RAPGEF5: variants seen among roughly 807,000 people sequenced by gnomAD.
RAPGEF5 encodes the protein Rap guanine nucleotide exchange factor 5.
RAPGEF5 carries 65 observed loss-of-function variants against 125.2 expected under a neutral mutation model. The observed-to-expected ratio is 0.52, with a 90% CI of 0.43 to 0.64. RAPGEF5 has a LOEUF of 0.64. RAPGEF5 is among the 30% of genes least tolerant of loss of function. The pLI, the probability that RAPGEF5 is intolerant of heterozygous loss-of-function variation, is 0.00. For synonymous variants in RAPGEF5, 391 were observed against 385.9 expected (o/e 1.01, Z -0.16); for missense variants, 958 against 1,048.1 (o/e 0.91, Z 1.19).
At chr7:22,193,603 G>C (rs921794246) in intron 10 of RAPGEF5, 148 bp from the exon 11 acceptor site, 1 of 1,550,816 alleles carries the variant, frequency 6.4e-7, no homozygotes, top group Admixed American at 2.0e-5. Flanking sequence ...TGAGAGCGCC[G>C]CGGCGGAATC....
intron 11 of RAPGEF5, among the ~76,000 whole-genome samples, chr7:22,173,538 A>T (rs558899183): frequency 6.6e-6 from 1 of 152,336 alleles, no homozygotes; most frequent in East Asian, 1.9e-4. Flanking sequence ...CCTTTAAATG[A>T]CAGGAACTTA....
At chr7:22,199,072 G>C (rs983013176) in intron 9 of RAPGEF5, among the ~76,000 whole-genome samples, 48 of 152,206 alleles carry the variant, frequency 3.2e-4, no homozygotes, top group African/African-American at 1.2e-3. Context: ...GCAACAGGGA[G>C]GTCTAGGCCA....
chr7:22,308,221 G>A, intron 5 of RAPGEF5, 118 bp downstream of exon 5: 3 of 998,072 alleles, frequency 3.0e-6, no homozygotes, highest in Non-Finnish European at 4.1e-6. Flanking sequence ...CTGAAAAATG[G>A]GGATAGTAAC....
At position 22,297,353 on chromosome 7, in the gene RAPGEF5, C is replaced by CAGGTTG. The variant is rs568294779; in HGVS notation, c.681-6118_681-6113dup. ...TAGAGTCCACCAATATAGATGCAGG[C>CAGGTTG]AGGTTGACAGATTTGGTAAATAAAA... On this transcript the variant is annotated intron_variant, in intron 5 of 25. Transcript: ENST00000665637. 4.9e-4 allele frequency among the ~76,000 whole-genome samples: 75 copies of CAGGTTG among 152,218 alleles called. 1 individual carries two copies. In the South Asian group the frequency reaches 8.3e-3, roughly 17 times the overall value.
intron 6 of RAPGEF5, among the ~76,000 whole-genome samples, chr7:22,284,247 C>T (rs964085875): frequency 4.6e-5 from 7 of 152,026 alleles, no homozygotes; most frequent in African/African-American, 1.4e-4. Flanking sequence ...AGGTTTGTGA[C>T]GTGTTACTCT....
intron 1 of RAPGEF5, among the ~76,000 whole-genome samples, chr7:22,340,989 G>T (rs1336166338): frequency 6.6e-6 from 1 of 152,162 alleles, no homozygotes; most frequent in Non-Finnish European, 1.5e-5. Flanking sequence ...TATCATTATG[G>T]CCTCAGCTGC....
intron 6 of RAPGEF5, among the ~76,000 whole-genome samples, chr7:22,274,970 C>G (rs1003962746): frequency 6.6e-6 from 1 of 152,212 alleles, no homozygotes; most frequent in Admixed American, 6.5e-5. Flanking sequence ...TCATCTCTAT[C>G]TCCATTCCTC....
chr7:22,296,693 T>A (rs1783070002), intron 5 of RAPGEF5, among the ~76,000 whole-genome samples: 1 of 152,172 alleles, frequency 6.6e-6, no homozygotes, highest in African/African-American at 2.4e-5. Context: ...TCTCTAGGAA[T>A]GGACTATTCC....
intron 11 of RAPGEF5, among the ~76,000 whole-genome samples, chr7:22,168,229 G>A (rs1784234230): frequency 6.6e-6 from 1 of 152,128 alleles, no homozygotes; most frequent in South Asian, 2.1e-4. Context: ...ATTGGATAAG[G>A]CCATGAGGGT....
chr7:22,217,736 T>C (rs1168323436), intron 9 of RAPGEF5, among the ~76,000 whole-genome samples: 1 of 152,216 alleles, frequency 6.6e-6, no homozygotes, highest in Non-Finnish European at 1.5e-5. Flanking sequence ...ATTCCAATGT[T>C]TATTTACACA....
chr7:22,128,877 T>C (rs182977827), intron 24 of RAPGEF5, among the ~76,000 whole-genome samples: 20 of 152,360 alleles, frequency 1.3e-4, no homozygotes, highest in South Asian at 6.2e-4. Flanking sequence ...AATTTCTCTT[T>C]AGGAATTTAA....
At chr7:22,191,926 A>G (rs960629441) in intron 11 of RAPGEF5, among the ~76,000 whole-genome samples, 12 of 152,250 alleles carry the variant, frequency 7.9e-5, no homozygotes, top group Non-Finnish European at 1.5e-4. Context: ...ATAGAACTGT[A>G]GTGTTATTAA....
chr7:22,269,487 T>C (rs1294429739), intron 6 of RAPGEF5, among the ~76,000 whole-genome samples: 1 of 152,102 alleles, frequency 6.6e-6, no homozygotes, highest in Non-Finnish European at 1.5e-5. Flanking sequence ...GAGACAACCC[T>C]ATTTATACAA....
intron 1 of RAPGEF5, among the ~76,000 whole-genome samples, chr7:22,346,032 A>C (rs1243485585): frequency 6.6e-6 from 1 of 152,224 alleles, no homozygotes; most frequent in Non-Finnish European, 1.5e-5. Flanking sequence ...GATGTGGTTA[A>C]TATTAAACAC....
At chr7:22,201,351 C>T (rs1027762062) in intron 9 of RAPGEF5, among the ~76,000 whole-genome samples, 23 of 152,328 alleles carry the variant, frequency 1.5e-4, no homozygotes, top group African/African-American at 4.8e-4. Context: ...ATGCATTCCA[C>T]AGTGTGTGGT....
rs368020007 is a variant in RAPGEF5 at position 22,158,685 on chromosome 7, G to C, written c.1527-800C>G. ...CTCTCACCCAGGCTAGAGTGCAGTG[G>C]CGTGATCACTCTTCACTGCAGCCTT... On this transcript the variant is annotated intron_variant, in intron 14 of 25. Coordinates refer to ENST00000665637, the MANE Select transcript of RAPGEF5 (RefSeq NM_012294.5). Among the ~76,000 whole-genome samples the C allele has an allele frequency of 2.1e-3, 207 of 96,958 alleles. 2 individuals are homozygous for C. The highest frequency in any genetic ancestry group is 8.3e-3 in the African/African-American group (198 of 23,948). The allele number at this position is 96,958 out of a possible 152,430, so 63.6% of individuals were successfully genotyped here. A position where few individuals can be genotyped will look rare whatever the true frequency, so the allele number is the denominator to read the frequency against.
chr7:22,152,765 T>C (rs1252753019), intron 17 of RAPGEF5, among the ~76,000 whole-genome samples: 1 of 152,228 alleles, frequency 6.6e-6, no homozygotes, highest in African/African-American at 2.4e-5. Flanking sequence ...AGAACAAGGA[T>C]TGCATTAAGC....
At chr7:22,255,693 T>C (rs1014531149) in intron 7 of RAPGEF5, among the ~76,000 whole-genome samples, 2 of 152,182 alleles carry the variant, frequency 1.3e-5, no homozygotes, top group Non-Finnish European at 2.9e-5. Context: ...TTTTGGTACA[T>C]GAAGAACACT....
intron 12 of RAPGEF5, among the ~76,000 whole-genome samples, chr7:22,165,222 A>C (rs1425022699): frequency 6.6e-6 from 1 of 152,208 alleles, no homozygotes; most frequent in Non-Finnish European, 1.5e-5. Context: ...AAACATATAT[A>C]TCCAAGTTAA....
Sources: allele counts gnomAD v4.1 joint callset (sites outside exome capture counted in the v4.1 genomes callset), GRCh38; gene constraint gnomAD v4.1.1; transcripts MANE v1.5; gene names NCBI Gene and HGNC (gene_info 2026-07-23, HGNC 2026-07-21).